GPM6A: variants seen among roughly 807,000 people sequenced by gnomAD.
The protein encoded by GPM6A is neuronal membrane glycoprotein M6-a.
Under a neutral mutation model 32.1 loss-of-function variants are expected in GPM6A, and 7 were observed. The observed-to-expected ratio is 0.22, with a 90% CI of 0.12 to 0.41. GPM6A has a LOEUF of 0.41. Ranked by LOEUF, GPM6A falls within the 10% of genes least tolerant of loss-of-function variation. The pLI is 1.00. For missense variants in GPM6A, 235 were observed against 347.2 expected (o/e 0.68, Z 2.57); for synonymous variants, 130 against 123.4 (o/e 1.05, Z -0.35).
chr4:175,651,721 G>T (rs943769301), intron 4 of GPM6A, 113 bp downstream of exon 4: 5 of 759,972 alleles, frequency 6.6e-6, no homozygotes, highest in Non-Finnish European at 1.1e-5. Flanking sequence ...TTATCTCTGT[G>T]GTAGAAAAGG....
At chr4:175,682,511 G>T (rs1195980639) in intron 2 of GPM6A, among the ~76,000 whole-genome samples, 2 of 152,176 alleles carry the variant, frequency 1.3e-5, no homozygotes, top group East Asian at 1.9e-4. Context: ...TGGAGAACAG[G>T]CCTTGAAGGC....
intron 1 of GPM6A, among the ~76,000 whole-genome samples, chr4:175,810,092 A>G (rs529020355): frequency 1.7e-3 from 253 of 152,352 alleles, no homozygotes; most frequent in Non-Finnish European, 1.5e-3. Flanking sequence ...TTTTCTTTAG[A>G]CAGATCATTA....
chr4:175,665,081 T>C (rs73018179), intron 3 of GPM6A, among the ~76,000 whole-genome samples: 7,552 of 152,306 alleles, frequency 0.05, 206 homozygotes, highest in Non-Finnish European at 0.061. Flanking sequence ...GACCACCCTC[T>C]GACACGTGGT....
chr4:175,777,133 T>C (rs1733428512), intron 1 of GPM6A, among the ~76,000 whole-genome samples: 1 of 152,182 alleles, frequency 6.6e-6, no homozygotes, highest in South Asian at 2.1e-4. Context: ...GATAGTGAGG[T>C]ATACTGTTGT....
chr4:175,982,150 T>C (rs751294614), intron 1 of GPM6A, among the ~76,000 whole-genome samples: 3 of 152,076 alleles, frequency 2.0e-5, no homozygotes, highest in Non-Finnish European at 4.4e-5. Context: ...ATCAGTCTCT[T>C]ATCAGGTATA....
At chr4:175,755,735 T>C (rs1732499140) in intron 1 of GPM6A, among the ~76,000 whole-genome samples, 1 of 152,300 alleles carries the variant, frequency 6.6e-6, no homozygotes, top group Middle Eastern at 3.4e-3. Context: ...ACCTGTGTTG[T>C]AGGTAATTAT....
At chr4:175,933,729 G>A (rs888074912) in intron 1 of GPM6A, among the ~76,000 whole-genome samples, 15 of 151,964 alleles carry the variant, frequency 9.9e-5, no homozygotes, top group East Asian at 1.9e-4. Flanking sequence ...TATTTTTAGT[G>A]GAGACAGGGT....
chr4:175,933,345 T>C (rs1739113503), intron 1 of GPM6A, among the ~76,000 whole-genome samples: 1 of 152,156 alleles, frequency 6.6e-6, no homozygotes, highest in Admixed American at 6.5e-5. Context: ...TTGACAACAC[T>C]TCCTGTAAGT....
At chr4:175,989,513 A>G (rs995871144) in intron 1 of GPM6A, among the ~76,000 whole-genome samples, 14 of 152,128 alleles carry the variant, frequency 9.2e-5, no homozygotes, top group Admixed American at 5.9e-4. Flanking sequence ...CAAGTATTAA[A>G]GTATTAAAAA....
At chr4:175,910,326 A>G (rs886407169) in intron 1 of GPM6A, among the ~76,000 whole-genome samples, 3 of 152,208 alleles carry the variant, frequency 2.0e-5, no homozygotes, top group East Asian at 1.9e-4. Context: ...AATAATAAAA[A>G]TGATGAAACT....
chr4:175,638,005 C>A (rs867837807), intron 6 of GPM6A, among the ~76,000 whole-genome samples: 9 of 146,176 alleles, frequency 6.2e-5, no homozygotes, highest in Admixed American at 1.5e-4. Context: ...TAAGGGGAAC[C>A]CAAGCTGCAG....
rs1458444333 is a variant in GPM6A, at chr4:175,866,923, ATTTGGTG to A, written c.-22-54681_-22-54675del. 5.9e-5 allele frequency among the ~76,000 whole-genome samples: 9 copies of A among 152,286 alleles called. No homozygotes were observed. The East Asian group carries it at 1.5e-3, about 26-fold the overall frequency. Reference sequence around the variant, plus strand: ...TTGGATGCTCCATATCTTCATCTGCATTTGGTGTTGTCAGTATTCCAGATTTTGGACA... The same window carrying A: ...TTGGATGCTCCATATCTTCATCTGCATTGTCAGTATTCCAGATTTTGGACA... On this transcript the variant is annotated intron_variant, in intron 1 of 7. Transcript: ENST00000280187.
intron 1 of GPM6A, among the ~76,000 whole-genome samples, chr4:175,758,468 A>C (rs1323955108): frequency 1.3e-5 from 2 of 152,124 alleles, no homozygotes; most frequent in Non-Finnish European, 2.9e-5. Flanking sequence ...ACCAATTCCA[A>C]GCATATGATT....
intron 1 of GPM6A, among the ~76,000 whole-genome samples, chr4:175,744,596 C>G (rs1217082810): frequency 1.3e-5 from 2 of 151,738 alleles, no homozygotes; most frequent in Admixed American, 1.3e-4. Flanking sequence ...AAAAATAGCC[C>G]AATATCAATT....
rs1346750995 is a variant in GPM6A at position 175,900,327 on chromosome 4, GGAAAGGAAAGGAAAGGAAAGGAAAA to G, written c.-22-88103_-22-88079del. 3.0e-3 allele frequency among the ~76,000 whole-genome samples: 359 copies of G among 119,534 alleles called. 4 individuals carry two copies. The highest frequency in any genetic ancestry group is 0.011 in the African/African-American group (332 of 31,288). The allele number at this position is 119,534 out of a possible 152,430, so 78.4% of individuals were successfully genotyped here. A position where few individuals can be genotyped will look rare whatever the true frequency, so the allele number is the denominator to read the frequency against. On this transcript the variant is annotated intron_variant, in intron 1 of 7. Transcript: ENST00000280187. ...AAGAAGGAAAGGAAAGGAAAGGAAA[GGAAAGGAAAGGAAAGGAAAGGAAAA>G]GAAAGGAAAGGAAAAGAAAGGAAAG...
chr4:175,797,504 T>C (rs1403379112), intron 1 of GPM6A, among the ~76,000 whole-genome samples: 1 of 152,190 alleles, frequency 6.6e-6, no homozygotes, highest in East Asian at 1.9e-4. Flanking sequence ...AACTGTTTTA[T>C]TGTTACATGC....
rs1659851334 is a variant in GPM6A at position 175,634,941 on chromosome 4, A to G, written c.801T>C (p.Ser267=). 1.2e-6 allele frequency: 2 copies of G among 1,613,680 alleles called. No individual in the cohort carries two copies. Among genetic ancestry groups the G allele is most frequent in the Non-Finnish European group, 1.7e-6 (2 of 1,179,722 alleles). Residue 267 remains serine, a synonymous_variant, in exon 7 of 7, where the codon TCT becomes TCC. Transcript: ENST00000393658. Reference sequence around the variant, plus strand: ...CATTGAGCCGCTCTTTGGAGCGAGTAGAGTGGATGTCATGAAGCTCTTGCT... The same window carrying G: ...CATTGAGCCGCTCTTTGGAGCGAGTGGAGTGGATGTCATGAAGCTCTTGCT... The part of the protein sequence containing the change: ...KEEQELHDIH[S]TRSKERLNAY...
chr4:175,975,061 C>T (rs1740619648), intron 1 of GPM6A, among the ~76,000 whole-genome samples: 1 of 152,174 alleles, frequency 6.6e-6, no homozygotes, highest in Non-Finnish European at 1.5e-5. Flanking sequence ...AGCCTTCACA[C>T]ATGCCTCTCT....
At chr4:175,953,072 A>G (rs1374102386) in intron 1 of GPM6A, among the ~76,000 whole-genome samples, 1 of 151,934 alleles carries the variant, frequency 6.6e-6, no homozygotes, top group African/African-American at 2.4e-5. Flanking sequence ...AGAAAAACAG[A>G]AATCCCCTTG....
Sources: gnomAD v4.1 joint callset for allele counts (sites outside exome capture counted in the v4.1 genomes callset) on GRCh38, gnomAD v4.1.1 for gene constraint, MANE v1.5 for transcripts, NCBI Gene and HGNC (gene_info 2026-07-23, HGNC 2026-07-21) for gene names.